SMARCAL1: variants seen among roughly 807,000 people sequenced by gnomAD.
SMARCAL1 encodes SNF2 related chromatin remodeling annealing helicase 1.
Under a neutral mutation model 94.5 loss-of-function variants are expected in SMARCAL1, and 58 were observed. The observed-to-expected ratio is 0.61, with a 90% CI of 0.50 to 0.76. The LOEUF is 0.76. SMARCAL1 is among the 30% of genes least tolerant of loss of function. The pLI is 0.00. For synonymous variants in SMARCAL1, 422 were observed against 455.1 expected, an observed-to-expected ratio of 0.93 and a Z score of 0.93; for missense variants, 1,051 against 1,177.9, an observed-to-expected ratio of 0.89 and a Z score of 1.58.
chr2:216,479,635 A>G (rs1202144315), intron 17 of SMARCAL1, among the ~76,000 whole-genome samples: 1 of 152,194 alleles, frequency 6.6e-6, no homozygotes, highest in African/African-American at 2.4e-5. Flanking sequence ...GCAGACTGCA[A>G]ATTATCCTTT....
At chr2:216,426,285 A>G (rs1369156998) in intron 6 of SMARCAL1, among the ~76,000 whole-genome samples, 1 of 152,272 alleles carries the variant, frequency 6.6e-6, no homozygotes, top group Non-Finnish European at 1.5e-5. Context: ...GACAAAAAGC[A>G]GGACATTTAC....
In SMARCAL1 at chr2:216,482,412, T is replaced by C. The variant is rs192046801; in HGVS notation, c.2626-326T>C. On this transcript the variant is annotated intron_variant, in intron 17 of 17. Coordinates refer to ENST00000357276, the MANE Select transcript of SMARCAL1 (RefSeq NM_014140.4). The surrounding 1 kb of genome is among the most constrained non-coding windows in gnomAD (Gnocchi z 4.3). ...TGAGATCTTGGGTGCTATTTCAGTATTGAAATAATGATTTGGAAAGTTCAA... is the reference window on the plus strand; with the variant it reads ...TGAGATCTTGGGTGCTATTTCAGTACTGAAATAATGATTTGGAAAGTTCAA... Among the ~76,000 whole-genome samples the C allele has an allele frequency of 8.0e-3, 1,216 of 152,354 alleles. 6 individuals carry two copies. The highest frequency in any genetic ancestry group is 0.024 in the Middle Eastern group (7 of 294).
At chr2:216,457,236 A>G (rs1484213626) in intron 12 of SMARCAL1, among the ~76,000 whole-genome samples, 6 of 152,182 alleles carry the variant, frequency 3.9e-5, no homozygotes, top group Non-Finnish European at 8.8e-5. Context: ...ACACAATAAT[A>G]ATGGGAGACT....
intron 11 of SMARCAL1, among the ~76,000 whole-genome samples, chr2:216,449,428 T>C (rs1249746490): frequency 2.0e-5 from 3 of 151,920 alleles, no homozygotes; most frequent in African/African-American, 7.2e-5. Flanking sequence ...CTTCATGCAT[T>C]AAGAAACCAC....
At chr2:216,478,406 TC>T in intron 17 of SMARCAL1, 107 bp downstream of exon 17, 1 of 819,718 alleles carries the variant, frequency 1.2e-6, no homozygotes, top group Non-Finnish European at 2.1e-6. Context: ...CCTAGGGACC[TC>T]CCCCAGCCTA....
intron 12 of SMARCAL1, among the ~76,000 whole-genome samples, chr2:216,461,086 G>GTA (rs1694689201): frequency 6.6e-6 from 1 of 151,062 alleles, no homozygotes; most frequent in Non-Finnish European, 1.5e-5. Context: ...GTGTGTGTGT[G>GTA]TGTGTATGTG....
chr2:216,481,184 A>ATATT (rs138505181), intron 17 of SMARCAL1, among the ~76,000 whole-genome samples: 89 of 151,840 alleles, frequency 5.9e-4, no homozygotes, highest in South Asian at 4.8e-3. Context: ...TTGATTTTTT[A>ATATT]TATTTATTTA....
intron 17 of SMARCAL1, among the ~76,000 whole-genome samples, chr2:216,479,757 A>T (rs765618051): frequency 6.6e-6 from 1 of 152,218 alleles, no homozygotes; most frequent in Non-Finnish European, 1.5e-5. Context: ...GGTTATTACA[A>T]GCCTTTTGAA....
chr2:216,434,030 A>G (rs1694020541), intron 8 of SMARCAL1, among the ~76,000 whole-genome samples: 1 of 150,376 alleles, frequency 6.6e-6, no homozygotes, highest in African/African-American at 2.5e-5. Context: ...TTAATGAGAC[A>G]GGGTCTCATT....
Position 216,482,173 on chromosome 2 carries a change from G to C in SMARCAL1, c.2626-565G>C, listed in dbSNP as rs976924173. Among the ~76,000 whole-genome samples the C allele has an allele frequency of 6.6e-6, 1 of 152,162 alleles. No homozygotes were observed. The highest frequency in any genetic ancestry group is 1.5e-5 in the Non-Finnish European group (1 of 68,026). The stretch of plus-strand genomic sequence containing the variant: ...ACAGAGATTTGGAAGTTGGGGGGCT[G>C]GGCACATGGTGGCTCACACCTGTAA... On this transcript the variant is annotated intron_variant, in intron 17 of 17. Coordinates refer to ENST00000357276, the MANE Select transcript of SMARCAL1 (RefSeq NM_014140.4). The surrounding 1 kb of genome is among the most constrained non-coding windows in gnomAD (Gnocchi z 4.3).
chr2:216,464,883 T>C (rs779303453), intron 13 of SMARCAL1, among the ~76,000 whole-genome samples: 7 of 152,186 alleles, frequency 4.6e-5, no homozygotes, highest in Non-Finnish European at 1.0e-4. Context: ...CCAGGCTCAA[T>C]GCCTGTAATC....
At position 216,432,817 on chromosome 2, in the gene SMARCAL1, G is replaced by T. The variant is rs764951616; in HGVS notation, c.1434G>T (p.Glu478Asp). The change falls in exon 8 of 18, where the codon GAG becomes GAT. Residue 478 changes from glutamate to aspartate, a missense_variant. Glu to Asp is a conservative substitution (Grantham distance 45, BLOSUM62 2). Around this residue, in one of 3 missense-constraint regions of SMARCAL1, gnomAD observed 642 missense variants for 754.7 expected, o/e 0.85. Transcript: ENST00000357276. ...GCATCGCAGCCTTTTACCGGAAGGA[G>T]TGGCCGCTCCTGGTGGTGGTGCCAT... ...AICIAAFYRK[E>D]WPLLVVVPSS... The T allele has an allele frequency of 2.2e-5, 36 of 1,614,246 alleles. No homozygotes were observed. The highest frequency in any genetic ancestry group is 3.1e-5 in the Non-Finnish European group (36 of 1,180,046).
Position 216,416,138 on chromosome 2 carries a change from G to A in SMARCAL1, c.812-119G>A, listed in dbSNP as rs111800713. ...ACAGAGATTTTTATAGATCAGTGGG[G>A]GCTTGCTGGTCAGCTGTTTTGAACT... On this transcript the variant is annotated intron_variant, in intron 3 of 17. Transcript: ENST00000357276. 3.2e-4 allele frequency: 257 copies of A among 808,972 alleles called. 1 individual carries two copies. The African/African-American group carries it at 3.9e-3, about 12-fold the overall frequency. 50.1% of individuals were successfully genotyped at this position (808,972 alleles called of 1,614,324 possible). A position where few individuals can be genotyped will look rare whatever the true frequency, so the allele number is the denominator to read the frequency against.
At chr2:216,451,117 T>C in intron 12 of SMARCAL1, 53 bp downstream of exon 12, 3 of 1,443,914 alleles carry the variant, frequency 2.1e-6, no homozygotes. Flanking sequence ...AGGTGTTCCT[T>C]TCCATGAGAG....
In SMARCAL1 at chr2:216,446,627, G is replaced by T. The variant is rs1263084574; in HGVS notation, c.1711-391G>T. The T allele has an allele frequency of 1.3e-5, 6 of 459,868 alleles. No individual in the cohort carries two copies. The Admixed American group carries it at 1.4e-4, about 11-fold the overall frequency. The allele number at this position is 459,868 out of a possible 1,614,324, so 28.5% of individuals were successfully genotyped here. A position where few individuals can be genotyped will look rare whatever the true frequency, so the allele number is the denominator to read the frequency against. ...CTTTGAGTTTACTCTGTGTTCTCCA[G>T]GATACTAATTAGCTTCCTTGTGAAT... On this transcript the variant is annotated intron_variant, in intron 10 of 17. Transcript: ENST00000357276.
At chr2:216,445,399 C>T (rs984798145) in intron 10 of SMARCAL1, among the ~76,000 whole-genome samples, 3 of 152,096 alleles carry the variant, frequency 2.0e-5, no homozygotes, top group African/African-American at 4.8e-5. Flanking sequence ...GGCAACGCTC[C>T]CATCACTCTC....
chr2:216,428,168 A>G (rs1180824191), intron 6 of SMARCAL1, among the ~76,000 whole-genome samples: 1 of 152,176 alleles, frequency 6.6e-6, no homozygotes, highest in African/African-American at 2.4e-5. Context: ...TAGTGATTTA[A>G]CTGTAGTTCC....
At chr2:216,426,448 C>G (rs1482100935) in intron 6 of SMARCAL1, among the ~76,000 whole-genome samples, 1 of 152,102 alleles carries the variant, frequency 6.6e-6, no homozygotes, top group African/African-American at 2.4e-5. Flanking sequence ...CACATAATGG[C>G]CACAAATAAG....
At chr2:216,477,011 G>C in intron 15 of SMARCAL1, 98 bp from the exon 16 acceptor site, 1 of 912,190 alleles carries the variant, frequency 1.1e-6, no homozygotes, top group South Asian at 1.4e-5. Context: ...GGAGGGTTGT[G>C]GTGGGACTGG....
Sources: gnomAD v4.1 joint callset for allele counts (sites outside exome capture counted in the v4.1 genomes callset) on GRCh38, gnomAD v4.1.1 for gene constraint, gnomAD v4.1.1 regional missense constraint, Gnocchi (gnomAD v3.1) non-coding constraint, MANE v1.5 for transcripts, NCBI Gene and HGNC (gene_info 2026-07-23, HGNC 2026-07-21) for gene names.